Variants in ANKS1B observed in about 807,000 individuals in gnomAD.
ANKS1B encodes ankyrin repeat and sterile alpha motif domain-containing protein 1B.
Under a neutral mutation model 148.3 loss-of-function variants are expected in ANKS1B, and 36 were observed. The observed-to-expected ratio is 0.24, with a 90% CI of 0.19 to 0.32. The LOEUF (loss-of-function observed/expected upper bound fraction) is 0.32. Among genes scored for constraint, ANKS1B ranks in the 10% least tolerant of loss-of-function variants. The pLI is 1.00. For missense variants in ANKS1B, 1,157 were observed against 1,542.6 expected (o/e 0.75, Z 4.19); for synonymous variants, 542 against 560.8 (o/e 0.97, Z 0.47).
chr12:99,516,846 G>A (rs2096826338), intron 9 of ANKS1B, among the ~76,000 whole-genome samples: 2 of 151,960 alleles, frequency 1.3e-5, no homozygotes, highest in African/African-American at 2.4e-5. Context: ...TTGTTTCTGT[G>A]TTCTCTATTC....
chr12:99,226,914 A>T (rs1244560681), intron 14 of ANKS1B, among the ~76,000 whole-genome samples: 3 of 152,264 alleles, frequency 2.0e-5, no homozygotes, highest in African/African-American at 7.2e-5. Flanking sequence ...AAACAGAACT[A>T]GCAGAAACTT....
intron 15 of ANKS1B, among the ~76,000 whole-genome samples, chr12:99,119,609 A>G (rs762290968): frequency 5.9e-5 from 9 of 152,160 alleles, no homozygotes; most frequent in Non-Finnish European, 1.3e-4. Flanking sequence ...AGAGCTATTA[A>G]AGCATCCTTC....
intron 16 of ANKS1B, among the ~76,000 whole-genome samples, chr12:99,067,677 T>A (rs1287232394): frequency 6.6e-6 from 1 of 152,216 alleles, no homozygotes; most frequent in Non-Finnish European, 1.5e-5. Flanking sequence ...CAGAGAAGTG[T>A]TGCTCTATGA....
At chr12:99,796,077 C>G (rs1046873214) in intron 4 of ANKS1B, among the ~76,000 whole-genome samples, 5 of 151,954 alleles carry the variant, frequency 3.3e-5, no homozygotes, top group African/African-American at 1.2e-4. Flanking sequence ...CATCACTGCT[C>G]TTGTGCTTTG....
chr12:99,260,724 A>G (rs1332457375), intron 12 of ANKS1B, among the ~76,000 whole-genome samples: 1 of 152,180 alleles, frequency 6.6e-6, no homozygotes, highest in African/African-American at 2.4e-5. Flanking sequence ...GAGAAGAAAA[A>G]AATATGCTTT....
At chr12:99,446,282 C>T (rs930438196) in intron 10 of ANKS1B, among the ~76,000 whole-genome samples, 5 of 151,968 alleles carry the variant, frequency 3.3e-5, no homozygotes, top group African/African-American at 1.2e-4. Flanking sequence ...TACAAAAAAA[C>T]TGGAGATAAG....
intron 8 of ANKS1B, among the ~76,000 whole-genome samples, chr12:99,689,595 T>A (rs1465723172): frequency 6.6e-6 from 1 of 152,022 alleles, no homozygotes; most frequent in Non-Finnish European, 1.5e-5. Context: ...AAAGGGAGAG[T>A]ATCCTGGCTG....
intron 17 of ANKS1B, among the ~76,000 whole-genome samples, chr12:98,992,756 C>T (rs2099927381): frequency 6.6e-6 from 1 of 152,182 alleles, no homozygotes; most frequent in Non-Finnish European, 1.5e-5. Flanking sequence ...ACTCCTACCC[C>T]AGTCCACTAG....
chr12:99,061,682 T>C (rs1251235363), intron 16 of ANKS1B, among the ~76,000 whole-genome samples: 3 of 152,260 alleles, frequency 2.0e-5, no homozygotes, highest in Non-Finnish European at 4.4e-5. Context: ...TGAATGTCTC[T>C]ATTTCAGTAT....
At chr12:98,848,240 A>G (rs184217992) in intron 17 of ANKS1B, among the ~76,000 whole-genome samples, 1 of 152,246 alleles carries the variant, frequency 6.6e-6, no homozygotes, top group Non-Finnish European at 1.5e-5. Flanking sequence ...ATTCACACAC[A>G]GTGAGGAATT....
intron 9 of ANKS1B, among the ~76,000 whole-genome samples, chr12:99,584,947 T>G (rs754789505): frequency 1.3e-5 from 2 of 152,048 alleles, no homozygotes; most frequent in East Asian, 3.9e-4. Flanking sequence ...GGGTGAGGAC[T>G]CAGCCAAACT....
At chr12:99,544,144 G>T (rs1200333376) in intron 9 of ANKS1B, among the ~76,000 whole-genome samples, 2 of 152,114 alleles carry the variant, frequency 1.3e-5, no homozygotes, top group Non-Finnish European at 2.9e-5. Flanking sequence ...AAACTACCTT[G>T]TGTTTGGATT....
chr12:99,341,809 T>C (rs1328101247), intron 12 of ANKS1B, among the ~76,000 whole-genome samples: 1 of 152,060 alleles, frequency 6.6e-6, no homozygotes, highest in East Asian at 1.9e-4. Context: ...TGTTATTTGG[T>C]CAATAATAAA....
chr12:98,800,224 A>G (rs1594102152), intron 21 of ANKS1B, among the ~76,000 whole-genome samples: 1 of 151,976 alleles, frequency 6.6e-6, no homozygotes, highest in East Asian at 1.9e-4. Context: ...AATGAAAAAA[A>G]AAAAAAAAAA....
At chr12:99,672,458 T>C (rs2098542451) in intron 8 of ANKS1B, among the ~76,000 whole-genome samples, 2 of 152,210 alleles carry the variant, frequency 1.3e-5, no homozygotes, top group South Asian at 2.1e-4. Flanking sequence ...ACTAAATCTG[T>C]CAGTTACAAC....
chr12:99,077,925 A>T (rs1565925969), intron 16 of ANKS1B, among the ~76,000 whole-genome samples: 2 of 152,206 alleles, frequency 1.3e-5, no homozygotes, highest in Non-Finnish European at 1.5e-5. Flanking sequence ...TTCATCTATG[A>T]CATAGGGGTA....
At chr12:99,518,975 A>C (rs1356402018) in intron 9 of ANKS1B, among the ~76,000 whole-genome samples, 1 of 151,974 alleles carries the variant, frequency 6.6e-6, no homozygotes, top group East Asian at 1.9e-4. Flanking sequence ...TAATTTCTTC[A>C]TTGACCCCTG....
chr12:98,951,446 C>T (rs745955749), intron 17 of ANKS1B, among the ~76,000 whole-genome samples: 11 of 152,146 alleles, frequency 7.2e-5, no homozygotes, highest in Admixed American at 2.0e-4. Flanking sequence ...TCCCAGAAGC[C>T]GATCTCTTTG....
At chr12:99,627,530 A>G (rs2153388037) in intron 9 of ANKS1B, among the ~76,000 whole-genome samples, 1 of 152,306 alleles carries the variant, frequency 6.6e-6, no homozygotes, top group Non-Finnish European at 1.5e-5. Context: ...CAGAATTAGT[A>G]CCCAGACTGC....
Sources: allele counts gnomAD v4.1 joint callset (sites outside exome capture counted in the v4.1 genomes callset), GRCh38; gene constraint gnomAD v4.1.1; transcripts MANE v1.5; gene names NCBI Gene and HGNC (gene_info 2026-07-23, HGNC 2026-07-21).